The following EDAR variants were observed in gnomAD, a reference collection of about 807,000 sequenced individuals.
The protein encoded by EDAR is ectodysplasin A receptor.
A neutral mutation model predicts 51.3 loss-of-function variants in EDAR; 38 were observed. That is an observed-to-expected ratio of 0.74 (90% CI 0.57 to 0.97). EDAR has a LOEUF of 0.97. Among genes scored for constraint, EDAR ranks in the 50% least tolerant of loss-of-function variants. The probability of loss-of-function intolerance (pLI) is 0.00; values close to 1 mark genes in which losing one functional copy is unlikely to be tolerated. For synonymous variants in EDAR, 227 were observed against 242.1 expected, an observed-to-expected ratio of 0.94 and a Z score of 0.58; for missense variants, 528 against 595.0, an observed-to-expected ratio of 0.89 and a Z score of 1.17.
chr2:108,937,864 C>A (rs1697508218), intron 1 of EDAR, among the ~76,000 whole-genome samples: 1 of 152,134 alleles, frequency 6.6e-6, no homozygotes, highest in South Asian at 2.1e-4. Context: ...TGGCCCTGAG[C>A]CCTCGGGTGG....
intron 1 of EDAR, among the ~76,000 whole-genome samples, chr2:108,959,582 C>A (rs988554980): frequency 6.6e-6 from 1 of 151,430 alleles, no homozygotes; most frequent in South Asian, 2.1e-4. Context: ...AGTCATGGGG[C>A]TGAGGGGAGC....
rs968109537 is a variant in EDAR at position 108,895,773 on chromosome 2, C to T, written c.*1134G>A. On this transcript the variant is annotated 3_prime_UTR_variant, in exon 12 of 12. Coordinates refer to ENST00000258443, the MANE Select transcript of EDAR (RefSeq NM_022336.4). ...TGGCACAACTAGAAGCCAGCTCCCT[C>T]GACATCAAGCCCAGGCTCTCATTTG... is the stretch of plus-strand genomic sequence containing the variant. 2 of 152,232 alleles carry T rather than the reference C, an allele frequency of 1.3e-5. No homozygotes were observed. Among genetic ancestry groups the T allele is most frequent in the Admixed American group, 6.5e-5 (1 of 15,286 alleles). The allele number at this position is 152,232 out of a possible 1,614,324, so 9.4% of individuals were successfully genotyped here. A position where few individuals can be genotyped will look rare whatever the true frequency, so the allele number is the denominator to read the frequency against.
chr2:108,975,047 G>A (rs900143486), intron 1 of EDAR, among the ~76,000 whole-genome samples: 2 of 152,164 alleles, frequency 1.3e-5, no homozygotes, highest in Non-Finnish European at 2.9e-5. Context: ...GGGAAACCAC[G>A]GCCCCATTGT....
At chr2:108,932,914 G>C (rs1279614159) in intron 1 of EDAR, among the ~76,000 whole-genome samples, 1 of 152,226 alleles carries the variant, frequency 6.6e-6, no homozygotes, top group Admixed American at 6.5e-5. Context: ...CAGTCTGCAG[G>C]CCTTCCAGAG....
intron 1 of EDAR, among the ~76,000 whole-genome samples, chr2:108,949,883 C>A (rs922253633): frequency 5.3e-5 from 8 of 152,200 alleles, no homozygotes; most frequent in African/African-American, 1.9e-4. Context: ...GTAATATGTC[C>A]CTTCCAAATC....
intron 1 of EDAR, among the ~76,000 whole-genome samples, chr2:108,974,638 G>A (rs1347911257): frequency 1.3e-5 from 2 of 152,070 alleles, no homozygotes; most frequent in African/African-American, 4.8e-5. Context: ...GCTGAGGCAG[G>A]AGAATCGCTT....
At chr2:108,930,751 C>G (rs1697352542) in intron 2 of EDAR, among the ~76,000 whole-genome samples, 1 of 152,186 alleles carries the variant, frequency 6.6e-6, no homozygotes, top group African/African-American at 2.4e-5. Context: ...ATCCATGAGA[C>G]CCTATGAAGG....
chr2:108,956,872 T>A (rs1268914311), intron 1 of EDAR, among the ~76,000 whole-genome samples: 1 of 151,666 alleles, frequency 6.6e-6, no homozygotes, highest in Non-Finnish European at 1.5e-5. Flanking sequence ...CACCGCAACC[T>A]CCACCTCCCA....
chr2:108,931,593 G>T (rs1426417594), intron 1 of EDAR, among the ~76,000 whole-genome samples: 3 of 152,200 alleles, frequency 2.0e-5, no homozygotes, highest in Non-Finnish European at 4.4e-5. Flanking sequence ...TAAGTGATTT[G>T]CCCCAGGTCA....
At chr2:108,926,425 T>C (rs1301439439) in intron 4 of EDAR, among the ~76,000 whole-genome samples, 1 of 152,172 alleles carries the variant, frequency 6.6e-6, no homozygotes, top group Non-Finnish European at 1.5e-5. Flanking sequence ...AGGTGTACAT[T>C]TTCCCAGAGA....
chr2:108,925,114 C>T (rs1012083747), intron 4 of EDAR, among the ~76,000 whole-genome samples: 3 of 152,248 alleles, frequency 2.0e-5, no homozygotes, highest in Non-Finnish European at 2.9e-5. Context: ...GGAGGCCCTC[C>T]AGGGCAAGCC....
chr2:108,966,243 C>T (rs1698148983), intron 1 of EDAR, among the ~76,000 whole-genome samples: 1 of 152,204 alleles, frequency 6.6e-6, no homozygotes, highest in African/African-American at 2.4e-5. Flanking sequence ...ATGTTGTTGC[C>T]TACTCAAGTT....
chr2:108,938,484 G>A (rs73952559), intron 1 of EDAR, among the ~76,000 whole-genome samples: 2,280 of 152,274 alleles, frequency 0.015, 27 homozygotes, highest in South Asian at 0.03. Flanking sequence ...TTGGAGGATT[G>A]CTCACGAAAA....
At chr2:108,976,675 A>AT (rs146045550) in intron 1 of EDAR, among the ~76,000 whole-genome samples, 1,541 of 152,232 alleles carry the variant, frequency 0.01, 19 homozygotes, top group Middle Eastern at 0.02. Flanking sequence ...ATGGGTATTT[A>AT]TTTTAAACTC....
chr2:108,960,881 C>A (rs1698025352), intron 1 of EDAR, among the ~76,000 whole-genome samples: 1 of 152,192 alleles, frequency 6.6e-6, no homozygotes, highest in Admixed American at 6.5e-5. Flanking sequence ...AGTATTCCAC[C>A]ATGTGGATGT....
chr2:108,904,161 T>C (rs1238367233), intron 11 of EDAR, among the ~76,000 whole-genome samples: 1 of 151,784 alleles, frequency 6.6e-6, no homozygotes, highest in East Asian at 1.9e-4. Context: ...GCAAAAGACA[T>C]GAAGAAACAT....
Position 108,894,678 on chromosome 2 carries a change from A to AATT in EDAR, c.*2226_*2228dup, listed in dbSNP as rs1045152205. On this transcript the variant is annotated 3_prime_UTR_variant, in exon 12 of 12. Transcript: ENST00000258443. ...TGGAGTCCCAGCTTTGGTCAGTGAG[A>AATT]ATTATTATGATCTCATTGTTCTGAA... The AATT allele has an allele frequency of 6.6e-6, 1 of 152,532 alleles. No individual in the cohort carries two copies. 9.4% of individuals were successfully genotyped at this position (152,532 alleles called of 1,614,324 possible). A position where few individuals can be genotyped will look rare whatever the true frequency, so the allele number is the denominator to read the frequency against.
intron 11 of EDAR, among the ~76,000 whole-genome samples, chr2:108,897,680 G>C (rs1044816896): frequency 1.3e-5 from 2 of 152,130 alleles, no homozygotes; most frequent in Non-Finnish European, 2.9e-5. Context: ...CCCCAGATTG[G>C]GGTTATCTGA....
chr2:108,988,538 G>A (rs988056222), intron 1 of EDAR, among the ~76,000 whole-genome samples: 3 of 152,130 alleles, frequency 2.0e-5, no homozygotes, highest in African/African-American at 4.8e-5. Flanking sequence ...AGGTCACAGC[G>A]GGTACGCAGA....
Sources: allele counts gnomAD v4.1 joint callset (sites outside exome capture counted in the v4.1 genomes callset), GRCh38; gene constraint gnomAD v4.1.1; transcripts MANE v1.5; gene names NCBI Gene and HGNC (gene_info 2026-07-23, HGNC 2026-07-21).